The following MICU1 variants were observed in gnomAD, a reference collection of about 807,000 sequenced individuals.
MICU1 encodes calcium uptake protein 1, mitochondrial.
A neutral mutation model predicts 56.8 loss-of-function variants in MICU1; 45 were observed. The ratio of observed to expected loss-of-function variants is 0.79; its 90% confidence interval spans 0.62 to 1.02. The LOEUF (loss-of-function observed/expected upper bound fraction) is 1.02, where lower values mean the gene tolerates loss of function less well. Among genes scored for constraint, MICU1 ranks in the 50% least tolerant of loss-of-function variants. The pLI is 0.00. For missense variants in MICU1, 504 were observed against 587.1 expected (o/e 0.86, Z 1.46); for synonymous variants, 186 against 195.1 (o/e 0.95, Z 0.39).
At chr10:72,454,793 A>C (rs993868263) in intron 8 of MICU1, among the ~76,000 whole-genome samples, 7 of 149,414 alleles carry the variant, frequency 4.7e-5, no homozygotes, top group East Asian at 2.0e-4. Flanking sequence ...AAAAAAAAAA[A>C]AAAAACAAAA....
intron 1 of MICU1, among the ~76,000 whole-genome samples, chr10:72,584,659 G>A (rs1255897384): frequency 1.3e-5 from 2 of 151,652 alleles, no homozygotes; most frequent in African/African-American, 4.8e-5. Flanking sequence ...CTCAAGCAAT[G>A]TTCCCACTTC....
At chr10:72,602,266 T>C (rs77475347) in intron 1 of MICU1, among the ~76,000 whole-genome samples, 1 of 150,930 alleles carries the variant, frequency 6.6e-6, no homozygotes, top group Non-Finnish European at 1.5e-5. Context: ...GCCTGGCCAA[T>C]ATGGTGAAAC....
chr10:72,616,586 T>TA (rs35703758), intron 1 of MICU1, among the ~76,000 whole-genome samples: 234 of 96,462 alleles, frequency 2.4e-3, no homozygotes, highest in East Asian at 8.4e-3. Context: ...AAACTCCATC[T>TA]AAAAAAAAAA....
At chr10:72,401,568 C>A (rs764626937) in intron 10 of MICU1, among the ~76,000 whole-genome samples, 1 of 152,128 alleles carries the variant, frequency 6.6e-6, no homozygotes, top group Non-Finnish European at 1.5e-5. Context: ...ACAGGAGAAT[C>A]GTTTGAACCT....
intron 9 of MICU1, among the ~76,000 whole-genome samples, chr10:72,410,684 G>A (rs1315605292): frequency 5.3e-5 from 8 of 152,206 alleles, no homozygotes; most frequent in Admixed American, 5.2e-4. Context: ...TATGTACCAA[G>A]TGTTGTAATT....
intron 1 of MICU1, among the ~76,000 whole-genome samples, chr10:72,621,542 A>AT (rs1217334312): frequency 1.3e-5 from 2 of 152,116 alleles, no homozygotes. Flanking sequence ...ATACTAACAG[A>AT]TTTTTAAACA....
At chr10:72,467,465 G>C (rs1326694446) in intron 8 of MICU1, among the ~76,000 whole-genome samples, 1 of 151,974 alleles carries the variant, frequency 6.6e-6, no homozygotes, top group Non-Finnish European at 1.5e-5. Flanking sequence ...TTATAGGCAT[G>C]AGCCACCACT....
chr10:72,559,382 G>A (rs929826468), intron 3 of MICU1, among the ~76,000 whole-genome samples: 6 of 151,392 alleles, frequency 4.0e-5, no homozygotes, highest in African/African-American at 1.5e-4. Flanking sequence ...TGAGTGTTGG[G>A]TGTTTATAAA....
intron 1 of MICU1, among the ~76,000 whole-genome samples, chr10:72,572,996 A>G (rs909977268): frequency 3.3e-5 from 5 of 152,282 alleles, no homozygotes; most frequent in East Asian, 3.9e-4. Flanking sequence ...ATGCACATGT[A>G]TATGGTGCAT....
At chr10:72,490,000 A>G (rs1866600694) in intron 6 of MICU1, among the ~76,000 whole-genome samples, 1 of 152,228 alleles carries the variant, frequency 6.6e-6, no homozygotes, top group Non-Finnish European at 1.5e-5. Context: ...TGGAAGTTGA[A>G]GAATGTTGGT....
chr10:72,570,458 T>C (rs902142844), intron 1 of MICU1, among the ~76,000 whole-genome samples: 1 of 152,242 alleles, frequency 6.6e-6, no homozygotes, highest in Non-Finnish European at 1.5e-5. Flanking sequence ...TACTTGCTCC[T>C]AACATTTAAG....
intron 1 of MICU1, among the ~76,000 whole-genome samples, chr10:72,602,307 C>T (rs538608109): frequency 4.0e-5 from 6 of 151,570 alleles, no homozygotes; most frequent in Non-Finnish European, 5.9e-5. Context: ...AAAAATTAGC[C>T]GAGTGTGGTG....
intron 3 of MICU1, among the ~76,000 whole-genome samples, chr10:72,556,838 G>A (rs1178218501): frequency 6.6e-6 from 1 of 151,936 alleles, no homozygotes. Context: ...GGCAAGGTAG[G>A]TGGATCACCT....
At chr10:72,371,161 G>A (rs371805435) in intron 11 of MICU1, among the ~76,000 whole-genome samples, 40 of 151,890 alleles carry the variant, frequency 2.6e-4, no homozygotes, top group African/African-American at 8.2e-4. Flanking sequence ...CGAGACGGGC[G>A]GATCATGAGG....
Position 72,551,286 on chromosome 10 carries a change from CG to C in MICU1, c.385del (p.Arg129AspfsTer6). 6.2e-7 allele frequency: 1 copy of C among 1,613,352 alleles called. No individual in the cohort carries two copies. The highest frequency in any genetic ancestry group is 1.7e-4 in the Middle Eastern group (1 of 6,060). Reference sequence around the variant, plus strand: ...GATGACTTTCAAGGTGGCAAAATATCGGAAGATTTTGTCTGGCGTGGAGTAG... The same window carrying C: ...GATGACTTTCAAGGTGGCAAAATATCGAAGATTTTGTCTGGCGTGGAGTAG... ...RAYSTPDKIF[R>X]YFATLKVISE... On this transcript the variant is annotated frameshift_variant, in exon 4 of 12. Transcript: ENST00000361114. LOFTEE classifies it high-confidence loss of function.
At chr10:72,563,784 A>G (rs1446401892) in intron 2 of MICU1, among the ~76,000 whole-genome samples, 1 of 152,150 alleles carries the variant, frequency 6.6e-6, no homozygotes, top group Non-Finnish European at 1.5e-5. Context: ...CAAAAACTAA[A>G]TGTACTAGAC....
intron 10 of MICU1, among the ~76,000 whole-genome samples, chr10:72,387,714 G>A (rs1476145350): frequency 2.8e-5 from 4 of 143,546 alleles, no homozygotes; most frequent in Non-Finnish European, 6.0e-5. Context: ...TGTCAAAAGT[G>A]ACTAAAAAAA....
rs373959892 is a variant in MICU1 at position 72,423,296 on chromosome 10, C to T, written c.1009G>A (p.Val337Met). ...ATGGCGGTCAGCTTCTTGGACTGCA[C>T]CCCACTGTAGGCAAGTAGCATGCCA... ...FGGMLLAYSG[V>M]QSKKLTAMQR... Residue 337 changes from valine (V) to methionine (M), a missense_variant, in exon 9 of 12, where the codon GTG (valine) becomes ATG (methionine). By Grantham distance (21) the Val-to-Met change is conservative (BLOSUM62 1). Coordinates refer to ENST00000361114, the MANE Select transcript of MICU1 (RefSeq NM_001195518.2). 6 of 1,613,980 alleles carry T rather than the reference C, an allele frequency of 3.7e-6. No homozygotes were observed. The South Asian group carries it at 6.6e-5, about 18-fold the overall frequency.
At chr10:72,574,550 T>G (rs1252736311) in intron 1 of MICU1, among the ~76,000 whole-genome samples, 1 of 151,848 alleles carries the variant, frequency 6.6e-6, no homozygotes, top group Non-Finnish European at 1.5e-5. Context: ...AAAATAAAGA[T>G]GGGGAAATAA....
Sources: allele counts gnomAD v4.1 joint callset (sites outside exome capture counted in the v4.1 genomes callset), GRCh38; gene constraint gnomAD v4.1.1; transcripts MANE v1.5; gene names NCBI Gene and HGNC (gene_info 2026-07-23, HGNC 2026-07-21).